ZC2HC1B: variants seen among roughly 807,000 people sequenced by gnomAD.
The protein encoded by ZC2HC1B is zinc finger C2HC-type containing 1B, also known as zinc finger C2HC domain-containing protein 1B.
ZC2HC1B carries 36 observed loss-of-function variants against 31.0 expected under a neutral mutation model. The ratio of observed to expected loss-of-function variants is 1.16; its 90% CI spans 0.89 to 1.54. ZC2HC1B has a LOEUF of 1.54. ZC2HC1B is among the 40% of genes most tolerant of loss of function. The probability of loss-of-function intolerance (pLI) is 0.00; values close to 1 mark genes in which losing one functional copy is unlikely to be tolerated. For missense variants in ZC2HC1B, 260 were observed against 268.6 expected, an observed-to-expected ratio of 0.97 and a Z score of 0.22; for synonymous variants, 73 against 88.0, an observed-to-expected ratio of 0.83 and a Z score of 0.95.
Position 143,871,687 on chromosome 6 carries a change from CCA to C in ZC2HC1B, c.28+7123_28+7124del, listed in dbSNP as rs1244552622. Among the ~76,000 whole-genome samples the C allele has an allele frequency of 1.1e-4, 17 of 152,212 alleles. No homozygotes were observed. The highest frequency in any genetic ancestry group is 2.4e-4 in the Non-Finnish European group (16 of 68,040). Reference sequence around the variant, plus strand: ...AAGTCCTTGATGGTGGTACTAATCGCCACAGTCTCTGCAGGGATGTGATACTG... The same window carrying C: ...AAGTCCTTGATGGTGGTACTAATCGCCAGTCTCTGCAGGGATGTGATACTG... On this transcript the variant is annotated intron_variant, in intron 1 of 7. Coordinates refer to ENST00000237275, the MANE Select transcript of ZC2HC1B (RefSeq NM_001013623.3). This position sits in a 1 kb window ranked among gnomAD's most constrained non-coding sequence, Gnocchi z 4.1.
Position 143,903,166 on chromosome 6 carries a change from C to G in ZC2HC1B, c.598+14C>G. 1 of 1,548,526 alleles carries G rather than the reference C, an allele frequency of 6.5e-7. No individual in the cohort carries two copies. Among genetic ancestry groups the G allele is most frequent in the Middle Eastern group, 1.7e-4 (1 of 5,984 alleles). Reference sequence around the variant, plus strand: ...CAACCAAGTCAGGTGAGTCAAAGCACGCATTTCATCTCTCAAATGATGGGG... The same window carrying G: ...CAACCAAGTCAGGTGAGTCAAAGCAGGCATTTCATCTCTCAAATGATGGGG... On this transcript the variant is annotated intron_variant, in intron 6 of 7. Transcript: ENST00000237275. The surrounding 1 kb of genome is among the most constrained non-coding windows in gnomAD (Gnocchi z 4.3).
chr6:143,874,908 C>T (rs535037738), intron 1 of ZC2HC1B, among the ~76,000 whole-genome samples: 1 of 152,330 alleles, frequency 6.6e-6, no homozygotes, highest in East Asian at 1.9e-4. Context: ...TCTCAGCTCA[C>T]TGCAACCACC....
chr6:143,898,484 T>C lies in ZC2HC1B; in HGVS notation c.350-68T>C, dbSNP rs1489322678. ...ATTTCACTTCATGTAGTTCATTCTATAATTCTATAGTATTCTATAGTTGTT... is the reference window on the plus strand; with the variant it reads ...ATTTCACTTCATGTAGTTCATTCTACAATTCTATAGTATTCTATAGTTGTT... On this transcript the variant is annotated intron_variant, in intron 4 of 7. Transcript: ENST00000237275. 11 of 1,498,354 alleles carry C rather than the reference T, an allele frequency of 7.3e-6. No homozygotes were observed. The South Asian group carries it at 9.9e-5, about 14-fold the overall frequency. The allele number at this position is 1,498,354 out of a possible 1,614,324, so 92.8% of individuals were successfully genotyped here. A position where few individuals can be genotyped will look rare whatever the true frequency, so the allele number is the denominator to read the frequency against.
rs200294921 is a variant in ZC2HC1B at position 143,924,396 on chromosome 6, TAC to T, written c.599-13241_599-13240del. Among the ~76,000 whole-genome samples the T allele has an allele frequency of 5.3e-5, 8 of 151,242 alleles. No homozygotes were observed. The highest frequency in any genetic ancestry group is 8.8e-5 in the Non-Finnish European group (6 of 67,820). On this transcript the variant is annotated intron_variant, in intron 6 of 7. Transcript: ENST00000237275. The surrounding 1 kb of genome is among the most constrained non-coding windows in gnomAD (Gnocchi z 5.2). ...CATATATATATCCATGTATATATAATACACACACACACATATATCCATGTTAT... is the reference window on the plus strand; with the variant it reads ...CATATATATATCCATGTATATATAATACACACACACATATATCCATGTTAT...
intron 1 of ZC2HC1B, among the ~76,000 whole-genome samples, chr6:143,880,565 T>C (rs1777455387): frequency 6.6e-6 from 1 of 152,200 alleles, no homozygotes; most frequent in Non-Finnish European, 1.5e-5. Flanking sequence ...TAAATTAATA[T>C]AAAAATGGTT....
rs1343268730 is a variant in ZC2HC1B, at chr6:143,923,489, C to T, written c.599-14160C>T. Among the ~76,000 whole-genome samples the T allele has an allele frequency of 6.6e-6, 1 of 151,990 alleles. No individual in the cohort carries two copies. The highest frequency in any genetic ancestry group is 1.5e-5 in the Non-Finnish European group (1 of 67,950). On this transcript the variant is annotated intron_variant, in intron 6 of 7. Coordinates refer to ENST00000237275, the MANE Select transcript of ZC2HC1B (RefSeq NM_001013623.3). The surrounding 1 kb of genome is among the most constrained non-coding windows in gnomAD (Gnocchi z 4.8). Reference sequence around the variant, plus strand: ...CCATTTGTTTATTTTATTTTTGTTGCCTGTGCTTTTGAAGTCATGGCCACA... The same window carrying T: ...CCATTTGTTTATTTTATTTTTGTTGTCTGTGCTTTTGAAGTCATGGCCACA...
intron 6 of ZC2HC1B, among the ~76,000 whole-genome samples, chr6:143,928,812 T>G (rs913502427): frequency 5.6e-5 from 8 of 142,920 alleles, no homozygotes; most frequent in Non-Finnish European, 1.0e-4. Flanking sequence ...CTTGTTTAAA[T>G]GTATTCCTAG....
At chr6:143,888,304 G>A (rs183298502) in intron 4 of ZC2HC1B, among the ~76,000 whole-genome samples, 1 of 152,106 alleles carries the variant, frequency 6.6e-6, no homozygotes, top group East Asian at 1.9e-4. Flanking sequence ...GAATACTGTA[G>A]TATTCTAGTA....
In ZC2HC1B at chr6:143,870,481, G is replaced by A. The variant is rs956441047; in HGVS notation, c.28+5914G>A. ...TTGGGCATTTGAGCCACTTCCTCATGTAACTTACTTGTGCCTTTAGGACCT... is the reference window on the plus strand; with the variant it reads ...TTGGGCATTTGAGCCACTTCCTCATATAACTTACTTGTGCCTTTAGGACCT... On this transcript the variant is annotated intron_variant, in intron 1 of 7. Coordinates refer to ENST00000237275, the MANE Select transcript of ZC2HC1B (RefSeq NM_001013623.3). The surrounding 1 kb of genome is among the most constrained non-coding windows in gnomAD (Gnocchi z 4.7). Among the ~76,000 whole-genome samples the A allele has an allele frequency of 6.6e-6, 1 of 152,200 alleles. No homozygotes were observed. The highest frequency in any genetic ancestry group is 6.5e-5 in the Admixed American group (1 of 15,286).
At chr6:143,897,121 A>T (rs896677190) in intron 4 of ZC2HC1B, among the ~76,000 whole-genome samples, 1 of 151,932 alleles carries the variant, frequency 6.6e-6, no homozygotes, top group Admixed American at 6.6e-5. Context: ...CAAATAGGAA[A>T]CTCCCCAAAC....
chr6:143,918,337 G>A lies in ZC2HC1B; in HGVS notation c.598+15185G>A, dbSNP rs1777941510. Among the ~76,000 whole-genome samples, 1 of 152,120 alleles carries A rather than the reference G, an allele frequency of 6.6e-6. No individual in the cohort carries two copies. Among genetic ancestry groups the A allele is most frequent in the South Asian group, 2.1e-4 (1 of 4,824 alleles). On this transcript the variant is annotated intron_variant, in intron 6 of 7. Coordinates refer to ENST00000237275, the MANE Select transcript of ZC2HC1B (RefSeq NM_001013623.3). The surrounding 1 kb of genome is among the most constrained non-coding windows in gnomAD (Gnocchi z 4.1). ...TTTGAAGGACAGTTTTTCTGTATAT[G>A]AGATTTTTGGTTGACAGTTTTTTTC...
intron 6 of ZC2HC1B, among the ~76,000 whole-genome samples, chr6:143,914,553 G>A (rs894734992): frequency 6.6e-6 from 1 of 152,114 alleles, no homozygotes; most frequent in Admixed American, 6.5e-5. Flanking sequence ...TTTTTGAGTA[G>A]AGTGTTCTGA....
rs745707594 is a variant in ZC2HC1B at position 143,922,195 on chromosome 6, A to T, written c.599-15454A>T. On this transcript the variant is annotated intron_variant, in intron 6 of 7. Coordinates refer to ENST00000237275, the MANE Select transcript of ZC2HC1B (RefSeq NM_001013623.3). This position sits in a 1 kb window ranked among gnomAD's most constrained non-coding sequence, Gnocchi z 5.0. ...CTTGTAATATGTGGTCTTTTTGTTG[A>T]TATATAATATTTGTACATGTTTATG... Among the ~76,000 whole-genome samples, 1 of 152,150 alleles carries T rather than the reference A, an allele frequency of 6.6e-6. No homozygotes were observed. Among genetic ancestry groups the T allele is most frequent in the East Asian group, 1.9e-4 (1 of 5,196 alleles).
chr6:143,935,725 G>A (rs1778170700), intron 6 of ZC2HC1B, among the ~76,000 whole-genome samples: 1 of 119,464 alleles, frequency 8.4e-6, no homozygotes, highest in African/African-American at 3.2e-5. Context: ...CTTGATCAAA[G>A]CTCTCTACAG....
chr6:143,932,210 G>C (rs527397916), intron 6 of ZC2HC1B, among the ~76,000 whole-genome samples: 1 of 152,094 alleles, frequency 6.6e-6, no homozygotes. Context: ...TAGATCTCTA[G>C]TGAGCTCAGG....
intron 4 of ZC2HC1B, among the ~76,000 whole-genome samples, chr6:143,894,363 T>C (rs889943553): frequency 6.6e-6 from 1 of 152,210 alleles, no homozygotes; most frequent in Non-Finnish European, 1.5e-5. Context: ...GGGAACTTTT[T>C]GGGGTGACGA....
At chr6:143,937,565 C>A in intron 6 of ZC2HC1B, 84 bp from the exon 7 acceptor site, 2 of 1,275,400 alleles carry the variant, frequency 1.6e-6, no homozygotes, top group Non-Finnish European at 2.2e-6. Context: ...CTTTTGAACC[C>A]ATGTGGGGAT....
chr6:143,907,435 A>G (rs1777808938), intron 6 of ZC2HC1B, among the ~76,000 whole-genome samples: 1 of 152,152 alleles, frequency 6.6e-6, no homozygotes, highest in African/African-American at 2.4e-5. Flanking sequence ...CAACCTTGCC[A>G]GCATCTGTTA....
intron 1 of ZC2HC1B, among the ~76,000 whole-genome samples, chr6:143,881,210 G>T (rs1436438559): frequency 6.6e-6 from 1 of 152,172 alleles, no homozygotes; most frequent in African/African-American, 2.4e-5. Flanking sequence ...AGATGGGCTC[G>T]TTTCACCCAG....
Sources: allele counts gnomAD v4.1 joint callset (sites outside exome capture counted in the v4.1 genomes callset), GRCh38; gene constraint gnomAD v4.1.1; non-coding constraint Gnocchi (gnomAD v3.1); transcripts MANE v1.5; gene names NCBI Gene and HGNC (gene_info 2026-07-23, HGNC 2026-07-21).